The following LINGO1 variants were observed in gnomAD, a reference collection of about 807,000 sequenced individuals.
LINGO1 encodes leucine rich repeat and Ig domain containing 1.
In LINGO1, 11 loss-of-function variants were observed where a neutral mutation model predicts 37.3. That is an observed-to-expected ratio of 0.29 (90% confidence interval 0.19 to 0.49). The LOEUF (loss-of-function observed/expected upper bound fraction) is 0.49. Among genes scored for constraint, LINGO1 ranks in the 20% least tolerant of loss-of-function variants. The pLI is 0.99. For missense variants in LINGO1, 585 were observed against 878.2 expected (o/e 0.67, Z 4.22); for synonymous variants, 387 against 403.0 (o/e 0.96, Z 0.48).
chr15:77,819,831 C>T (rs1247180849), intron 1 of LINGO1, among the ~76,000 whole-genome samples: 7 of 151,428 alleles, frequency 4.6e-5, no homozygotes, highest in Admixed American at 2.0e-4. Flanking sequence ...CCGACTCGGG[C>T]TTCTCGCACT....
intron 3 of LINGO1, chr15:77,646,407 G>C: frequency 2.2e-6 from 1 of 446,370 alleles, no homozygotes; most frequent in Non-Finnish European, 4.5e-6. Flanking sequence ...CTGTCATGGT[G>C]ATCAAGACGG....
intron 1 of LINGO1, among the ~76,000 whole-genome samples, chr15:77,799,945 T>C (rs2076904100): frequency 6.6e-6 from 1 of 151,786 alleles, no homozygotes; most frequent in Non-Finnish European, 1.5e-5. Context: ...GCTACACAGG[T>C]GGAAACCAAG....
At chr15:77,778,445 C>T (rs1052338480) in intron 1 of LINGO1, among the ~76,000 whole-genome samples, 3 of 152,170 alleles carry the variant, frequency 2.0e-5, no homozygotes, top group African/African-American at 7.2e-5. Flanking sequence ...TGCTCAACAC[C>T]GCATCCCAGA....
intron 1 of LINGO1, among the ~76,000 whole-genome samples, chr15:77,618,980 T>C (rs982270738): frequency 2.0e-5 from 3 of 152,152 alleles, no homozygotes; most frequent in African/African-American, 7.2e-5. Flanking sequence ...ACAGAAAAAT[T>C]ATGCTACAAG....
In LINGO1 at chr15:77,800,654, G is replaced by A. The variant is rs74026822; in HGVS notation, c.-457-4601C>T. Among the ~76,000 whole-genome samples, 261 of 152,266 alleles carry A rather than the reference G, an allele frequency of 1.7e-3. 1 individual carries two copies. Among genetic ancestry groups the A allele is most frequent in the African/African-American group, 5.7e-3 (236 of 41,548 alleles). ...TGAAATCTGATGCAGTGGAGGAAGC[G>A]TTTATATGCCAGACATTAAATCCAG... On this transcript the variant is annotated intron_variant, in intron 1 of 5. Transcript: ENST00000562933.
chr15:77,652,728 T>C (rs2074789146), intron 3 of LINGO1, among the ~76,000 whole-genome samples: 1 of 150,758 alleles, frequency 6.6e-6, no homozygotes, highest in Non-Finnish European at 1.5e-5. Flanking sequence ...GAGTCCTGGA[T>C]TTTTCCAGCC....
intron 1 of LINGO1, among the ~76,000 whole-genome samples, chr15:77,736,981 C>T (rs954238989): frequency 1.3e-5 from 2 of 152,120 alleles, no homozygotes; most frequent in Admixed American, 6.5e-5. Context: ...AGGCATGCCA[C>T]GTGGGGTGTA....
chr15:77,815,782 C>A (rs746801774), intron 1 of LINGO1, among the ~76,000 whole-genome samples: 2 of 152,126 alleles, frequency 1.3e-5, no homozygotes, highest in Non-Finnish European at 2.9e-5. Flanking sequence ...TGGTTTATAT[C>A]GCACATCTAA....
At chr15:77,621,014 G>A (rs2073900437) in intron 1 of LINGO1, among the ~76,000 whole-genome samples, 1 of 151,958 alleles carries the variant, frequency 6.6e-6, no homozygotes, top group Admixed American at 6.6e-5. Context: ...AAAAGGGAAG[G>A]GACTAACACT....
upstream of LINGO1, chr15:77,820,900 TA>T (rs1293367960): frequency 6.6e-6 from 1 of 152,200 alleles, no homozygotes; most frequent in East Asian, 1.9e-4. Flanking sequence ...GGGAACGAGG[TA>T]AAGTTGAGTC....
chr15:77,769,969 A>G (rs932628810), intron 1 of LINGO1, among the ~76,000 whole-genome samples: 1 of 152,132 alleles, frequency 6.6e-6, no homozygotes, highest in African/African-American at 2.4e-5. Context: ...ACACTGCAGT[A>G]AATGGTGGGC....
intron 1 of LINGO1, among the ~76,000 whole-genome samples, chr15:77,762,073 C>G (rs2076483222): frequency 6.6e-6 from 1 of 152,226 alleles, no homozygotes; most frequent in Non-Finnish European, 1.5e-5. Context: ...TTAATTCACC[C>G]TGGCAGGTTT....
chr15:77,761,407 C>T (rs182691292), intron 1 of LINGO1, among the ~76,000 whole-genome samples: 143 of 152,304 alleles, frequency 9.4e-4, no homozygotes, highest in Non-Finnish European at 1.6e-3. Flanking sequence ...CAAAGGCTGT[C>T]CTCACAGTCT....
At chr15:77,644,075 C>T (rs75373191) in intron 3 of LINGO1, among the ~76,000 whole-genome samples, 31 of 152,324 alleles carry the variant, frequency 2.0e-4, no homozygotes, top group Non-Finnish European at 2.8e-4. Flanking sequence ...TCCTTGTGAC[C>T]GTGAATCTAG....
chr15:77,691,296 C>T lies in LINGO1; in HGVS notation c.-280-395G>A, dbSNP rs532894731. Among the ~76,000 whole-genome samples the T allele has an allele frequency of 2.4e-3, 365 of 152,298 alleles. 2 individuals are homozygous for T. Among genetic ancestry groups the T allele is most frequent in the African/African-American group, 8.3e-3 (343 of 41,566 alleles). On this transcript the variant is annotated intron_variant, in intron 1 of 3. Transcript: ENST00000559893. ...CACAGTACATGGGAAAAACTGAGGTCCAGAGAGGAGAAGGGATTTGCCCGA... is the reference window on the plus strand; with the variant it reads ...CACAGTACATGGGAAAAACTGAGGTTCAGAGAGGAGAAGGGATTTGCCCGA...
intron 2 of LINGO1, among the ~76,000 whole-genome samples, chr15:77,707,778 G>C (rs2075870295): frequency 6.6e-6 from 1 of 152,158 alleles, no homozygotes; most frequent in African/African-American, 2.4e-5. Flanking sequence ...AACCCCTGGG[G>C]AAGGCTCTGA....
At chr15:77,664,166 TGTGTGCGCGC>T (rs2075066267) in intron 3 of LINGO1, among the ~76,000 whole-genome samples, 1 of 122,968 alleles carries the variant, frequency 8.1e-6, no homozygotes, top group Non-Finnish European at 1.6e-5. Flanking sequence ...TGTGTGTGTG[TGTGTGCGCGC>T]GCGCATGCGT....
At chr15:77,731,679 A>G (rs2076156348) in intron 2 of LINGO1, among the ~76,000 whole-genome samples, 1 of 152,098 alleles carries the variant, frequency 6.6e-6, no homozygotes, top group African/African-American at 2.4e-5. Flanking sequence ...CAACCCCAGC[A>G]TTGCCACTGC....
intron 1 of LINGO1, among the ~76,000 whole-genome samples, chr15:77,753,171 G>A (rs571726033): frequency 2.6e-4 from 40 of 152,310 alleles, no homozygotes; most frequent in African/African-American, 9.4e-4. Flanking sequence ...CTCCATCACC[G>A]AACCTGGTAT....
Sources: gnomAD v4.1 joint callset for allele counts (sites outside exome capture counted in the v4.1 genomes callset) on GRCh38, gnomAD v4.1.1 for gene constraint, MANE v1.5 for transcripts, NCBI Gene and HGNC (gene_info 2026-07-23, HGNC 2026-07-21) for gene names.